THEMIS: variants seen among roughly 807,000 people sequenced by gnomAD.
The protein encoded by THEMIS is thymocyte selection associated.
In THEMIS, 37 loss-of-function variants were observed where a neutral mutation model predicts 52.6. The ratio of observed to expected loss-of-function variants is 0.70; its 90% CI spans 0.54 to 0.93. The LOEUF is 0.93. Ranked by LOEUF, THEMIS falls within the 40% of genes least tolerant of loss-of-function variation. The pLI is 0.00. For synonymous variants in THEMIS, 292 were observed against 272.7 expected, an observed-to-expected ratio of 1.07 and a Z score of -0.70; for missense variants, 808 against 763.1, an observed-to-expected ratio of 1.06 and a Z score of -0.69.
chr6:127,702,895 A>T, the THEMIS span, among the ~76,000 whole-genome samples: 3,964 of 152,114 alleles, frequency 0.026, 177 homozygotes, highest in African/African-American at 0.09. Context: ...CATGGGAAAG[A>T]CCTGCCCCCA....
chr6:127,792,832 A>G (rs1199324539), intron 4 of THEMIS, among the ~76,000 whole-genome samples: 1 of 152,234 alleles, frequency 6.6e-6, no homozygotes, highest in Admixed American at 6.5e-5. Flanking sequence ...AGCTGCACAG[A>G]CAATGAGAAA....
intron 2 of THEMIS, among the ~76,000 whole-genome samples, chr6:127,838,197 C>T (rs1369571773): frequency 6.6e-6 from 1 of 152,016 alleles, no homozygotes; most frequent in Non-Finnish European, 1.5e-5. Flanking sequence ...AAAGAAGCTA[C>T]TCAATCTATT....
At chr6:127,906,551 C>A (rs978686809) in intron 1 of THEMIS, among the ~76,000 whole-genome samples, 1 of 151,712 alleles carries the variant, frequency 6.6e-6, no homozygotes, top group African/African-American at 2.4e-5. Context: ...CAGATACACA[C>A]AAAGATTTAT....
At chr6:127,860,801 A>G (rs563792063) in intron 1 of THEMIS, among the ~76,000 whole-genome samples, 37 of 152,306 alleles carry the variant, frequency 2.4e-4, no homozygotes, top group Admixed American at 1.7e-3. Flanking sequence ...CAGTGATAGA[A>G]GAAGAATAAA....
intron 3 of THEMIS, among the ~76,000 whole-genome samples, chr6:127,826,915 C>T (rs1778526799): frequency 6.6e-6 from 1 of 151,930 alleles, no homozygotes; most frequent in African/African-American, 2.4e-5. Flanking sequence ...TTTCCAGAAA[C>T]AAATACTTCA....
At chr6:127,842,967 C>T (rs1779099458) in intron 2 of THEMIS, among the ~76,000 whole-genome samples, 1 of 151,962 alleles carries the variant, frequency 6.6e-6, no homozygotes, top group Admixed American at 6.6e-5. Flanking sequence ...ACCCTAGTAG[C>T]TTCCTGGCTA....
intron 1 of THEMIS, among the ~76,000 whole-genome samples, chr6:127,897,376 C>T (rs1404708287): frequency 6.6e-6 from 1 of 151,224 alleles, no homozygotes; most frequent in African/African-American, 2.4e-5. Flanking sequence ...AAGTAATTTG[C>T]AACACAGAAA....
chr6:127,856,327 T>C (rs1163146535), intron 1 of THEMIS, among the ~76,000 whole-genome samples: 1 of 151,986 alleles, frequency 6.6e-6, no homozygotes, highest in East Asian at 1.9e-4. Flanking sequence ...TCTGAGGTCA[T>C]ATCAGAGTCC....
Position 127,813,270 on chromosome 6 carries a change from G to A in THEMIS, c.1371C>T (p.Phe457=), listed in dbSNP as rs145324479. 152 of 1,614,076 alleles carry A rather than the reference G, an allele frequency of 9.4e-5. No individual in the cohort carries two copies. The highest frequency in any genetic ancestry group is 2.5e-4 in the Admixed American group (15 of 59,998). Reference sequence around the variant, plus strand: ...GATCCCTGACAGACACCTTCACATTGAAGGGCAAACGGAACTGTTTACAGA... The same window carrying A: ...GATCCCTGACAGACACCTTCACATTAAAGGGCAAACGGAACTGTTTACAGA... The part of the protein sequence containing the change: ...SELCKQFRLP[F]NVKVSVRDLS... The change falls in exon 4 of 6, where the codon TTC becomes TTT. Residue 457 remains phenylalanine, a synonymous_variant. Transcript: ENST00000368248.
intron 4 of THEMIS, among the ~76,000 whole-genome samples, chr6:127,798,908 C>T (rs894765986): frequency 8.7e-5 from 13 of 148,684 alleles, no homozygotes; most frequent in Admixed American, 3.4e-4. Flanking sequence ...AGGAGAATGG[C>T]GTGAACCCGG....
chr6:127,908,001 A>G (rs1286029651), intron 1 of THEMIS, among the ~76,000 whole-genome samples: 1 of 152,042 alleles, frequency 6.6e-6, no homozygotes, highest in Non-Finnish European at 1.5e-5. Flanking sequence ...ATACACAACA[A>G]TTTGTTTTGT....
At chr6:127,752,359 A>G (rs1265650819) in intron 4 of THEMIS, among the ~76,000 whole-genome samples, 1 of 130,618 alleles carries the variant, frequency 7.7e-6, no homozygotes, top group Non-Finnish European at 1.8e-5. Context: ...TAATGAAACG[A>G]AGAGTTTTTT....
intron 5 of THEMIS, among the ~76,000 whole-genome samples, chr6:127,712,619 T>C (rs1017672992): frequency 1.3e-5 from 2 of 151,946 alleles, no homozygotes; most frequent in Non-Finnish European, 2.9e-5. Context: ...TTGATCAGAC[T>C]AACTGAGGTA....
intron 2 of THEMIS, 89 bp downstream of exon 2, chr6:127,854,940 GA>G: frequency 8.5e-7 from 1 of 1,172,158 alleles, no homozygotes; most frequent in Non-Finnish European, 1.1e-6. Context: ...GTGAAAAACA[GA>G]CCATTTTTTT....
intron 1 of THEMIS, among the ~76,000 whole-genome samples, chr6:127,858,938 C>T (rs943188336): frequency 6.6e-6 from 1 of 152,062 alleles, no homozygotes; most frequent in African/African-American, 2.4e-5. Context: ...TTCTGTAATG[C>T]TACTTTGCTC....
At chr6:127,787,759 T>C (rs1419924272) in intron 4 of THEMIS, among the ~76,000 whole-genome samples, 1 of 152,052 alleles carries the variant, frequency 6.6e-6, no homozygotes, top group Non-Finnish European at 1.5e-5. Flanking sequence ...TTAAGTCTAC[T>C]AACTATATTT....
intron 1 of THEMIS, among the ~76,000 whole-genome samples, chr6:127,916,532 T>C (rs1781531405): frequency 6.6e-6 from 1 of 152,182 alleles, no homozygotes. Flanking sequence ...AGGGGCATGA[T>C]CAAAGCTAGA....
At chr6:127,776,508 C>T (rs527736675) in intron 4 of THEMIS, among the ~76,000 whole-genome samples, 11 of 152,246 alleles carry the variant, frequency 7.2e-5, no homozygotes, top group South Asian at 4.2e-4. Flanking sequence ...TGCCCCAAGG[C>T]GGGTGAATTA....
At chr6:127,915,731 A>G (rs1249793223) in intron 1 of THEMIS, among the ~76,000 whole-genome samples, 1 of 152,206 alleles carries the variant, frequency 6.6e-6, no homozygotes, top group Non-Finnish European at 1.5e-5. Context: ...TCACGCCTGT[A>G]ATCCCAGCAC....
Sources: allele counts gnomAD v4.1 joint callset (sites outside exome capture counted in the v4.1 genomes callset), GRCh38; gene constraint gnomAD v4.1.1; transcripts MANE v1.5; gene names NCBI Gene and HGNC (gene_info 2026-07-23, HGNC 2026-07-21).